The following NPC1 variants were observed in gnomAD, a reference collection of about 807,000 sequenced individuals.
NPC1 encodes the protein NPC intracellular cholesterol transporter 1.
Under a neutral mutation model 140.4 loss-of-function variants are expected in NPC1, and 85 were observed. That is an observed-to-expected ratio of 0.61 (90% CI 0.51 to 0.72). The LOEUF is 0.72. NPC1 is among the 30% of genes least tolerant of loss of function. NPC1 has a pLI of 0.00. For synonymous variants in NPC1, 656 were observed against 624.8 expected, an observed-to-expected ratio of 1.05 and a Z score of -0.74; for missense variants, 1,504 against 1,623.8, an observed-to-expected ratio of 0.93 and a Z score of 1.27.
At chr18:23,539,208 A>G (rs1567949179) in intron 19 of NPC1, 147 bp downstream of exon 19, 2 of 701,926 alleles carry the variant, frequency 2.8e-6, no homozygotes, top group East Asian at 5.4e-5. Context: ...TTTCAGAATG[A>G]ATGACTGAGG....
chr18:23,515,990 C>T, intron 3 of NPC1: 2 of 1,614,120 alleles, frequency 1.2e-6, no homozygotes, highest in Non-Finnish European at 1.7e-6. Context: ...AGCCTTTTCA[C>T]TTTAGGGTAA....
chr18:23,584,386 G>A (rs1743866111), intron 1 of NPC1, among the ~76,000 whole-genome samples: 1 of 152,154 alleles, frequency 6.6e-6, no homozygotes, highest in Admixed American at 6.5e-5. Flanking sequence ...TCAGACATGA[G>A]GAATTTTTAA....
chr18:23,522,722 TAGG>T (rs999521958), exon 2 of NPC1: 1 of 152,252 alleles, frequency 6.6e-6, no homozygotes, highest in Non-Finnish European at 1.5e-5. Context: ...CAGAGATCAA[TAGG>T]AGGAAATCAG....
intron 19 of NPC1, 177 bp from the exon 20 acceptor site, chr18:23,538,848 G>A: frequency 1.5e-6 from 1 of 673,296 alleles, no homozygotes; most frequent in Non-Finnish European, 2.6e-6. Context: ...CACTTTCACA[G>A]TTTAATGAAT....
chr18:23,541,305 C>G lies in NPC1; in HGVS notation c.2373+1G>C. On this transcript the variant is annotated splice_donor_variant, in intron 15 of 24. Transcript: ENST00000269228. LOFTEE classifies it high-confidence loss of function. ...AGACTATAATCCTGGCACCAACTTACCTCTTGACGTTTAATGTCTAACCCC... is the reference window on the plus strand; with the variant it reads ...AGACTATAATCCTGGCACCAACTTAGCTCTTGACGTTTAATGTCTAACCCC... 1 of 1,614,222 alleles carries G rather than the reference C, an allele frequency of 6.2e-7. No homozygotes were observed. The highest frequency in any genetic ancestry group is 8.5e-7 in the Non-Finnish European group (1 of 1,180,040).
chr18:23,530,892 A>G (rs142741984), downstream of NPC1, among the ~76,000 whole-genome samples: 195 of 152,334 alleles, frequency 1.3e-3, 1 homozygote, highest in African/African-American at 4.5e-3. Flanking sequence ...AGATCTTGGA[A>G]TATCTCTTAA....
chr18:23,525,652 T>C (rs138258648), downstream of NPC1, among the ~76,000 whole-genome samples: 630 of 152,116 alleles, frequency 4.1e-3, 3 homozygotes, highest in African/African-American at 0.014. Flanking sequence ...CTCGATCTCC[T>C]GACCTCGTGA....
chr18:23,551,654 G>C lies in NPC1; in HGVS notation c.1627C>G (p.Pro543Ala). The C allele has an allele frequency of 6.2e-7, 1 of 1,614,034 alleles. No individual in the cohort carries two copies. Residue 543 changes from proline (P) to alanine (A), a missense_variant, in exon 10 of 25, where the codon CCG becomes GCG. Transcript: ENST00000269228. ...TCATAGCCTCCCAACACAAGCCACG[G>C]GAACACTGGTCCACCAAACGTACCC... Reference protein sequence around the residue: ...CLGTFGGPVFPWLVLGGYDDQ... With the variant: ...CLGTFGGPVFAWLVLGGYDDQ...
intron 1 of NPC1, among the ~76,000 whole-genome samples, chr18:23,585,514 A>G (rs940139039): frequency 7.9e-5 from 12 of 152,138 alleles, no homozygotes; most frequent in African/African-American, 2.2e-4. Context: ...AATTCCCCGG[A>G]GGCACTCTCA....
Position 23,556,521 on chromosome 18 carries a change from G to C in NPC1, c.1048C>G (p.Pro350Ala). The C allele has an allele frequency of 6.2e-7, 1 of 1,614,132 alleles. No individual in the cohort carries two copies. Among genetic ancestry groups the C allele is most frequent in the Non-Finnish European group, 8.5e-7 (1 of 1,180,020 alleles). ...AGCGAGAAGAAAATGACACAGCCAG[G>C]GTTTCGGACGCAGAAAGACCCCCAG... ...TRWGSFCVRNPGCVIFFSLVF... is the reference protein window; with the variant it reads ...TRWGSFCVRNAGCVIFFSLVF... The change falls in exon 8 of 25, where the codon CCT becomes GCT. Residue 350 changes from proline (P) to alanine (A), a missense_variant. Pro to Ala is a conservative substitution (Grantham distance 27). Coordinates refer to ENST00000269228, the MANE Select transcript of NPC1 (RefSeq NM_000271.5).
chr18:23,507,858 T>C lies in NPC1; in HGVS notation c.432-1216A>G, dbSNP rs1598841803. Reference sequence around the variant, plus strand: ...TTTTATCTTTCCTGTGTTTTGGTTGTCTTCAGTTATTTTCTGGTCACTTTT... The same window carrying C: ...TTTTATCTTTCCTGTGTTTTGGTTGCCTTCAGTTATTTTCTGGTCACTTTT... On this transcript the variant is annotated intron_variant, in intron 3 of 3. Coordinates refer to the NPC1 transcript ENST00000591107. The C allele has an allele frequency of 2.9e-5, 20 of 678,370 alleles. No homozygotes were observed. The South Asian group carries it at 7.4e-4, about 25-fold the overall frequency. 42.0% of individuals were successfully genotyped at this position (678,370 alleles called of 1,614,324 possible). A position where few individuals can be genotyped will look rare whatever the true frequency, so the allele number is the denominator to read the frequency against.
At chr18:23,549,929 G>A (rs2058844475) in intron 10 of NPC1, among the ~76,000 whole-genome samples, 1 of 150,724 alleles carries the variant, frequency 6.6e-6, no homozygotes, top group Non-Finnish European at 1.5e-5. Context: ...ATTTTCAGTA[G>A]AGACAGGGTT....
intron 8 of NPC1, among the ~76,000 whole-genome samples, 200 bp from the exon 9 acceptor site, chr18:23,555,184 A>T (rs1178679196): frequency 6.6e-6 from 1 of 152,260 alleles, no homozygotes; most frequent in African/African-American, 2.4e-5. Flanking sequence ...CAAACTAGTT[A>T]GAGGCGTCCA....
In NPC1 at chr18:23,551,645, C is replaced by T. The variant is rs1453699815; in HGVS notation, c.1636G>A (p.Val546Met). ...TACTTACCATCATAGCCTCCCAACA[C>T]AAGCCACGGGAACACTGGTCCACCA... The part of the protein sequence containing the change: ...TFGGPVFPWL[V>M]LGGYDDQNYN... The change falls in exon 10 of 25, where the codon GTG becomes ATG. Residue 546 changes from valine (V) to methionine (M), a missense_variant. By Grantham distance (21) the Val-to-Met change is conservative. Transcript: ENST00000269228. 6.2e-7 allele frequency: 1 copy of T among 1,613,828 alleles called. No homozygotes were observed. The highest frequency in any genetic ancestry group is 2.2e-5 in the East Asian group (1 of 44,882).
Position 23,544,943 on chromosome 18 carries a change from A to AGCCC in NPC1, c.1947+16_1947+17insGGGC. On this transcript the variant is annotated intron_variant, in intron 12 of 24. Coordinates refer to ENST00000269228, the MANE Select transcript of NPC1 (RefSeq NM_000271.5). ...GCTGTTAACCTCTAGAACATACACC[A>AGCCC]CCCCCCCCCGGCTTACCAGAAGCCT... 9.7e-7 allele frequency: 1 copy of AGCCC among 1,032,976 alleles called. No individual in the cohort carries two copies. Among genetic ancestry groups the AGCCC allele is most frequent in the Non-Finnish European group, 1.4e-6 (1 of 712,976 alleles). 64.0% of individuals were successfully genotyped at this position (1,032,976 alleles called of 1,614,324 possible). A position where few individuals can be genotyped will look rare whatever the true frequency, so the allele number is the denominator to read the frequency against.
intron 14 of NPC1, among the ~76,000 whole-genome samples, chr18:23,542,373 G>A (rs8091072): frequency 0.012 from 1,776 of 151,788 alleles, 36 homozygotes; most frequent in African/African-American, 0.041. Context: ...TATCTGTGGT[G>A]AAAGACTACC....
chr18:23,568,748 G>A, intron 4 of NPC1, 75 bp downstream of exon 4: 4 of 1,202,162 alleles, frequency 3.3e-6, no homozygotes, highest in East Asian at 2.3e-5. Flanking sequence ...GAGTTGACAG[G>A]ACAACTAAAA....
chr18:23,558,389 A>G (rs2058985563), intron 6 of NPC1, among the ~76,000 whole-genome samples: 1 of 152,242 alleles, frequency 6.6e-6, no homozygotes, highest in African/African-American at 2.4e-5. Flanking sequence ...GCACCGAGAA[A>G]GACATAACAT....
chr18:23,519,283 C>A, downstream of NPC1: 2 of 904,586 alleles, frequency 2.2e-6, no homozygotes, highest in Non-Finnish European at 3.5e-6. Context: ...TTTGGGAGGC[C>A]AAGGCGGACA....
Sources: allele counts gnomAD v4.1 joint callset (sites outside exome capture counted in the v4.1 genomes callset), GRCh38; gene constraint gnomAD v4.1.1; transcripts MANE v1.5; gene names NCBI Gene and HGNC (gene_info 2026-07-23, HGNC 2026-07-21).